NELL1: variants seen among roughly 807,000 people sequenced by gnomAD.
The protein encoded by NELL1 is protein kinase C-binding protein NELL1.
Under a neutral mutation model 107.4 loss-of-function variants are expected in NELL1, and 76 were observed. The ratio of observed to expected loss-of-function variants is 0.71; its 90% CI spans 0.59 to 0.86. The LOEUF (loss-of-function observed/expected upper bound fraction) is 0.86, where lower values mean the gene tolerates loss of function less well. Among genes scored for constraint, NELL1 ranks in the 40% least tolerant of loss-of-function variants. NELL1 has a pLI of 0.00. For synonymous variants in NELL1, 353 were observed against 341.2 expected (o/e 1.03, Z -0.38); for missense variants, 1,024 against 1,005.5 (o/e 1.02, Z -0.25).
At chr11:21,298,886 C>T (rs747070496) in intron 14 of NELL1, among the ~76,000 whole-genome samples, 35 of 151,972 alleles carry the variant, frequency 2.3e-4, no homozygotes, top group Middle Eastern at 6.8e-3. Flanking sequence ...ACCTTTCCCC[C>T]GAAAAAAGAT....
At chr11:21,207,200 C>A (rs995291560) in intron 13 of NELL1, among the ~76,000 whole-genome samples, 1 of 152,180 alleles carries the variant, frequency 6.6e-6, no homozygotes, top group Non-Finnish European at 1.5e-5. Context: ...GTATTACTTG[C>A]CTGGTGTGCT....
intron 3 of NELL1, among the ~76,000 whole-genome samples, chr11:20,841,518 A>G (rs1222971534): frequency 2.0e-5 from 3 of 152,136 alleles, no homozygotes; most frequent in African/African-American, 7.2e-5. Flanking sequence ...CTGACATAAT[A>G]TCAGGAATAG....
chr11:20,938,781 T>A (rs1026068516), intron 10 of NELL1, among the ~76,000 whole-genome samples: 7 of 152,170 alleles, frequency 4.6e-5, no homozygotes, highest in Non-Finnish European at 7.4e-5. Flanking sequence ...GGTGAAGTTC[T>A]AGAGCTCATG....
intron 2 of NELL1, among the ~76,000 whole-genome samples, chr11:20,725,345 T>C (rs1332425774): frequency 6.6e-6 from 1 of 152,178 alleles, no homozygotes; most frequent in African/African-American, 2.4e-5. Context: ...CCTGTGTCAG[T>C]GGCATCAGGG....
At chr11:21,016,146 C>G (rs1040222880) in intron 12 of NELL1, among the ~76,000 whole-genome samples, 1 of 152,076 alleles carries the variant, frequency 6.6e-6, no homozygotes, top group African/African-American at 2.4e-5. Flanking sequence ...CTTTCTTCCT[C>G]TCTTGTGTGT....
At chr11:21,206,604 C>T (rs1303652440) in intron 13 of NELL1, among the ~76,000 whole-genome samples, 2 of 152,182 alleles carry the variant, frequency 1.3e-5, no homozygotes, top group Admixed American at 6.5e-5. Flanking sequence ...CCCCTCCCCA[C>T]TGCCTTTTCT....
rs544041519 is a variant in NELL1, at chr11:20,960,923, G to A, written c.1300+363G>A. 3.2e-4 allele frequency among the ~76,000 whole-genome samples: 49 copies of A among 152,184 alleles called. 1 individual carries two copies. Among genetic ancestry groups the A allele is most frequent in the Non-Finnish European group, 6.9e-4 (47 of 68,010 alleles). ...TCTTCATATTTAATTAAATGTACAGGGTGGTTTCTGTTTTCAAATGATACT... is the reference window on the plus strand; with the variant it reads ...TCTTCATATTTAATTAAATGTACAGAGTGGTTTCTGTTTTCAAATGATACT... On this transcript the variant is annotated intron_variant, in intron 12 of 19. Coordinates refer to ENST00000357134, the MANE Select transcript of NELL1 (RefSeq NM_006157.5).
chr11:21,553,654 G>C (rs1856641783), intron 16 of NELL1, among the ~76,000 whole-genome samples: 1 of 151,678 alleles, frequency 6.6e-6, no homozygotes, highest in Non-Finnish European at 1.5e-5. Flanking sequence ...TTCAACCACA[G>C]CTCCACCAAA....
chr11:21,249,312 G>A (rs1418725745), intron 14 of NELL1, among the ~76,000 whole-genome samples: 1 of 152,172 alleles, frequency 6.6e-6, no homozygotes, highest in Non-Finnish European at 1.5e-5. Context: ...TAATTAGTAG[G>A]TTTGACTACA....
chr11:21,473,347 T>C (rs1210399604), intron 15 of NELL1, among the ~76,000 whole-genome samples: 1 of 152,024 alleles, frequency 6.6e-6, no homozygotes, highest in Non-Finnish European at 1.5e-5. Context: ...TCATCTATTT[T>C]CCCAAATCAA....
chr11:20,706,520 G>A (rs1172516527), intron 2 of NELL1, among the ~76,000 whole-genome samples: 11 of 148,234 alleles, frequency 7.4e-5, no homozygotes, highest in African/African-American at 2.8e-4. Flanking sequence ...GACTGTTGTG[G>A]GGTTGGGGGG....
chr11:21,118,994 A>G (rs1855300227), intron 13 of NELL1, among the ~76,000 whole-genome samples: 1 of 152,054 alleles, frequency 6.6e-6, no homozygotes, highest in Non-Finnish European at 1.5e-5. Context: ...AGTGTCTGTC[A>G]CAAGTGTTAT....
chr11:21,568,295 A>G (rs991377206), intron 17 of NELL1, among the ~76,000 whole-genome samples: 3 of 151,872 alleles, frequency 2.0e-5, no homozygotes, highest in Non-Finnish European at 4.4e-5. Flanking sequence ...GTATACCTGT[A>G]TAGAACACTT....
intron 2 of NELL1, among the ~76,000 whole-genome samples, chr11:20,720,088 T>A (rs1855344509): frequency 6.6e-6 from 1 of 152,226 alleles, no homozygotes; most frequent in African/African-American, 2.4e-5. Context: ...TTTTTCAGGT[T>A]TATCTTTTAT....
At position 20,710,939 on chromosome 11, in the gene NELL1, AT is replaced by A. The variant is rs201449343; in HGVS notation, c.184+32880del. On this transcript the variant is annotated intron_variant, in intron 2 of 19. Coordinates refer to ENST00000357134, the MANE Select transcript of NELL1 (RefSeq NM_006157.5). ...CTTCTTTTCTTGGTTAACCTTACTA[AT>A]GGTTTCTTTATTGTGTTTATCTTTT... Among the ~76,000 whole-genome samples, 1,405 of 150,558 alleles carry A rather than the reference AT, an allele frequency of 9.3e-3. 23 individuals are homozygous for A. The highest frequency in any genetic ancestry group is 0.036 in the Admixed American group (542 of 15,170).
chr11:20,929,956 A>G lies in NELL1; in HGVS notation c.997+1477A>G, dbSNP rs371992668. ...CACTGCACTCCAGCCTGGGCAACAG[A>G]GTGAGTCTGTCTCAAAAAAAAAAAA... On this transcript the variant is annotated intron_variant, in intron 9 of 19. Transcript: ENST00000357134. Among the ~76,000 whole-genome samples, 22 of 147,318 alleles carry G rather than the reference A, an allele frequency of 1.5e-4. 1 individual carries two copies. In the South Asian group the frequency reaches 4.7e-3, roughly 32 times the overall value.
intron 14 of NELL1, among the ~76,000 whole-genome samples, chr11:21,370,057 A>T (rs532434193): frequency 6.6e-6 from 1 of 152,032 alleles, no homozygotes; most frequent in African/African-American, 2.4e-5. Flanking sequence ...ATTATATGTA[A>T]ATTTACAATT....
chr11:20,696,662 A>G (rs918734677), intron 2 of NELL1, among the ~76,000 whole-genome samples: 6 of 152,182 alleles, frequency 3.9e-5, no homozygotes, highest in African/African-American at 1.4e-4. Flanking sequence ...TGAAGTAATA[A>G]AAATACTACT....
At chr11:21,023,318 TA>T (rs35948780) in intron 12 of NELL1, among the ~76,000 whole-genome samples, 1 of 151,948 alleles carries the variant, frequency 6.6e-6, no homozygotes, top group African/African-American at 2.4e-5. Flanking sequence ...CTTAGTACCT[TA>T]AAAAAGTCAC....
Sources: allele counts gnomAD v4.1 joint callset (sites outside exome capture counted in the v4.1 genomes callset), GRCh38; gene constraint gnomAD v4.1.1; transcripts MANE v1.5; gene names NCBI Gene and HGNC (gene_info 2026-07-23, HGNC 2026-07-21).